The following TCF7L1 variants were observed in gnomAD, a reference collection of about 807,000 sequenced individuals.
The protein encoded by TCF7L1 is transcription factor 7-like 1.
Under a neutral mutation model 63.7 loss-of-function variants are expected in TCF7L1, and 18 were observed. The ratio of observed to expected loss-of-function variants is 0.28; its 90% CI spans 0.20 to 0.42. The LOEUF is 0.42. TCF7L1 is among the 10% of genes least tolerant of loss of function. The pLI, the probability that TCF7L1 is intolerant of heterozygous loss-of-function variation, is 1.00. For synonymous variants in TCF7L1, 355 were observed against 340.9 expected (o/e 1.04, Z -0.46); for missense variants, 654 against 779.3 (o/e 0.84, Z 1.91).
Position 85,309,386 on chromosome 2 carries a change from C to A in TCF7L1, c.1691C>A (p.Ala564Asp). ...CTGGCCTCTCCCCCGTCCTTCCCCGCCACGCTCCATGCCCACCAGGCCCTC... is the reference window on the plus strand; with the variant it reads ...CTGGCCTCTCCCCCGTCCTTCCCCGACACGCTCCATGCCCACCAGGCCCTC... The part of the protein sequence containing the change: ...ALLASPPSFP[A>D]TLHAHQALPV... Residue 564 changes from alanine (A) to aspartate (D), a missense_variant, in exon 12 of 12, where the codon GCC (alanine) becomes GAC (aspartate). Physicochemically the swap from Ala to Asp is moderately radical, Grantham distance 126. Around this residue, in one of 3 missense-constraint regions of TCF7L1, gnomAD observed 184 missense variants for 204.0 expected, o/e 0.90. Transcript: ENST00000282111. The A allele has an allele frequency of 6.2e-7, 1 of 1,600,556 alleles. No individual in the cohort carries two copies. The highest frequency in any genetic ancestry group is 8.5e-7 in the Non-Finnish European group (1 of 1,173,150).
chr2:85,291,816 C>G (rs1196106020), intron 4 of TCF7L1, among the ~76,000 whole-genome samples: 1 of 152,098 alleles, frequency 6.6e-6, no homozygotes, highest in Non-Finnish European at 1.5e-5. Flanking sequence ...AGCATTCCTC[C>G]CTCCTCAGCC....
At chr2:85,272,439 C>T (rs55654088) in intron 3 of TCF7L1, among the ~76,000 whole-genome samples, 64,131 of 151,948 alleles carry the variant, frequency 0.42, 14,759 homozygotes, top group Non-Finnish European at 0.53. Flanking sequence ...ACTATGCTTC[C>T]AGATTATTTA....
intron 3 of TCF7L1, among the ~76,000 whole-genome samples, chr2:85,198,461 CTG>C (rs1679204899): frequency 6.6e-6 from 1 of 152,192 alleles, no homozygotes; most frequent in Non-Finnish European, 1.5e-5. Flanking sequence ...GGAGTGTCCT[CTG>C]TTCTGAGCAT....
At chr2:85,220,491 G>T (rs552150685) in intron 3 of TCF7L1, among the ~76,000 whole-genome samples, 1 of 152,112 alleles carries the variant, frequency 6.6e-6, no homozygotes, top group African/African-American at 2.4e-5. Context: ...TCAGCCTTCC[G>T]AGCAGCTTGG....
intron 3 of TCF7L1, among the ~76,000 whole-genome samples, chr2:85,210,539 A>G (rs1466267807): frequency 1.3e-5 from 2 of 152,214 alleles, no homozygotes; most frequent in Admixed American, 1.3e-4. Flanking sequence ...TCAAGTGAAA[A>G]CACCATAGCC....
intron 3 of TCF7L1, among the ~76,000 whole-genome samples, chr2:85,193,618 C>T (rs1188924467): frequency 3.3e-5 from 5 of 152,176 alleles, no homozygotes; most frequent in Non-Finnish European, 7.3e-5. Context: ...ATTCTACCAG[C>T]GGTAGTTTTC....
chr2:85,304,898 G>A (rs771828466), intron 7 of TCF7L1, among the ~76,000 whole-genome samples: 1 of 152,104 alleles, frequency 6.6e-6, no homozygotes, highest in Non-Finnish European at 1.5e-5. Flanking sequence ...GGGGATTTCT[G>A]TCTCAGGGAC....
At chr2:85,245,938 G>A (rs1464167029) in intron 3 of TCF7L1, among the ~76,000 whole-genome samples, 4 of 152,108 alleles carry the variant, frequency 2.6e-5, no homozygotes, top group South Asian at 2.1e-4. Context: ...GTGCAGTGCC[G>A]GTTTTGGTCA....
intron 3 of TCF7L1, among the ~76,000 whole-genome samples, chr2:85,159,176 G>C (rs1158517845): frequency 6.6e-6 from 1 of 152,104 alleles, no homozygotes; most frequent in African/African-American, 2.4e-5. Flanking sequence ...TTTGAGACAG[G>C]AAACACTTCC....
chr2:85,203,596 G>T (rs900218602), intron 3 of TCF7L1, among the ~76,000 whole-genome samples: 3 of 152,076 alleles, frequency 2.0e-5, no homozygotes, highest in Non-Finnish European at 4.4e-5. Context: ...AGGCGTGGTG[G>T]TGTGTGCCTG....
At chr2:85,218,057 G>A (rs1572996426) in intron 3 of TCF7L1, among the ~76,000 whole-genome samples, 1 of 152,042 alleles carries the variant, frequency 6.6e-6, no homozygotes, top group East Asian at 1.9e-4. Context: ...CTAGAAGAAT[G>A]CCCGAGAGGT....
chr2:85,134,549 C>A lies in TCF7L1; in HGVS notation c.441+99C>A. On this transcript the variant is annotated intron_variant, in intron 3 of 11. Transcript: ENST00000282111. This position sits in a 1 kb window ranked among gnomAD's most constrained non-coding sequence, Gnocchi z 5.0. ...GGAGTGGGGGATGGGGCCTTCTGCG[C>A]CGATCCCAAGCAGAACTTGTTTGCG... 1 of 1,465,492 alleles carries A rather than the reference C, an allele frequency of 6.8e-7. No homozygotes were observed. Among genetic ancestry groups the A allele is most frequent in the Non-Finnish European group, 9.1e-7 (1 of 1,103,202 alleles). The allele number at this position is 1,465,492 out of a possible 1,614,324, so 90.8% of individuals were successfully genotyped here.
In TCF7L1 at chr2:85,160,628, G is replaced by A. The variant is rs116761236; in HGVS notation, c.441+26178G>A. 6.1e-3 allele frequency among the ~76,000 whole-genome samples: 925 copies of A among 152,246 alleles called. 11 individuals carry two copies. Among genetic ancestry groups the A allele is most frequent in the African/African-American group, 0.021 (871 of 41,554 alleles). Reference sequence around the variant, plus strand: ...GCACTTTCGGAGGCCGAGGTGGGAGGCTCCTTGCTTGAGCCCAGGAGTTCC... The same window carrying A: ...GCACTTTCGGAGGCCGAGGTGGGAGACTCCTTGCTTGAGCCCAGGAGTTCC... On this transcript the variant is annotated intron_variant, in intron 3 of 11. Transcript: ENST00000282111.
rs1478823615 is a variant in TCF7L1, at chr2:85,134,626, T to A, written c.441+176T>A. ...GCGCGAGGCTGCGCTGGCCAGTGCCTGGATGAAAGTAAAGTTACTTTAACT... is the reference window on the plus strand; with the variant it reads ...GCGCGAGGCTGCGCTGGCCAGTGCCAGGATGAAAGTAAAGTTACTTTAACT... On this transcript the variant is annotated intron_variant, in intron 3 of 11. Transcript: ENST00000282111. This position sits in a 1 kb window ranked among gnomAD's most constrained non-coding sequence, Gnocchi z 5.0. 3.9e-5 allele frequency among the ~76,000 whole-genome samples: 6 copies of A among 152,260 alleles called. No individual in the cohort carries two copies. In the East Asian group the frequency reaches 1.2e-3, roughly 29 times the overall value.
At chr2:85,289,171 C>T (rs1156513375) in intron 4 of TCF7L1, among the ~76,000 whole-genome samples, 1 of 151,752 alleles carries the variant, frequency 6.6e-6, no homozygotes, top group Non-Finnish European at 1.5e-5. Context: ...AGAAAAAGAT[C>T]TATAATCCCA....
chr2:85,197,567 C>T (rs1259957858), intron 3 of TCF7L1, among the ~76,000 whole-genome samples: 2 of 152,230 alleles, frequency 1.3e-5, no homozygotes, highest in Non-Finnish European at 2.9e-5. Flanking sequence ...TTAGCATTTG[C>T]TACCACTTAT....
At chr2:85,156,460 GC>G (rs1678148136) in intron 3 of TCF7L1, among the ~76,000 whole-genome samples, 1 of 152,206 alleles carries the variant, frequency 6.6e-6, no homozygotes, top group Non-Finnish European at 1.5e-5. Flanking sequence ...TCTCCCCCAG[GC>G]CAAGTTCCCA....
intron 3 of TCF7L1, among the ~76,000 whole-genome samples, chr2:85,171,073 C>T (rs907124558): frequency 1.3e-5 from 2 of 152,114 alleles, no homozygotes; most frequent in African/African-American, 4.8e-5. Flanking sequence ...TTCCACATGG[C>T]TGGGGAGGCC....
At chr2:85,216,597 C>T (rs937444649) in intron 3 of TCF7L1, among the ~76,000 whole-genome samples, 9 of 152,096 alleles carry the variant, frequency 5.9e-5, no homozygotes, top group African/African-American at 1.2e-4. Context: ...TTCTAGAAGG[C>T]GTATGTTGGG....
Sources: gnomAD v4.1 joint callset for allele counts (sites outside exome capture counted in the v4.1 genomes callset) on GRCh38, gnomAD v4.1.1 for gene constraint, gnomAD v4.1.1 regional missense constraint, Gnocchi (gnomAD v3.1) non-coding constraint, MANE v1.5 for transcripts, NCBI Gene and HGNC (gene_info 2026-07-23, HGNC 2026-07-21) for gene names.